Variants in TNPO2 observed in about 807,000 individuals in gnomAD.
TNPO2 encodes the protein transportin 2.
In TNPO2, 16 loss-of-function variants were observed where a neutral mutation model predicts 111.1. That is an observed-to-expected ratio of 0.14 (90% CI 0.10 to 0.22). The LOEUF is 0.22. TNPO2 is among the 10% of genes least tolerant of loss of function. The probability of loss-of-function intolerance (pLI) is 1.00; values close to 1 mark genes in which losing one functional copy is unlikely to be tolerated. For missense variants in TNPO2, 530 were observed against 1,173.7 expected, an observed-to-expected ratio of 0.45 and a Z score of 8.01; for synonymous variants, 481 against 475.8, an observed-to-expected ratio of 1.01 and a Z score of -0.14.
chr19:12,700,283 A>AG lies in TNPO2; in HGVS notation c.*980dup, dbSNP rs2025212233. 8.1e-6 allele frequency: 1 copy of AG among 123,338 alleles called. No individual in the cohort carries two copies. The highest frequency in any genetic ancestry group is 1.7e-5 in the Non-Finnish European group (1 of 57,832). The allele number at this position is 123,338 out of a possible 1,614,324, so 7.6% of individuals were successfully genotyped here. A position where few individuals can be genotyped will look rare whatever the true frequency, so the allele number is the denominator to read the frequency against. ...TAAAACTGGGGCCTGAAACGTGAGAAGGGGGTTTCAGAAGCACAGAGAAAC... is the reference window on the plus strand; with the variant it reads ...TAAAACTGGGGCCTGAAACGTGAGAAGGGGGGTTTCAGAAGCACAGAGAAAC... On this transcript the variant is annotated 3_prime_UTR_variant, in exon 26 of 26. Transcript: ENST00000425528.
In TNPO2 at chr19:12,721,370, C is replaced by G. The variant is rs1966932234; in HGVS notation, c.-13-380G>C. 1.1e-5 allele frequency: 13 copies of G among 1,172,704 alleles called. No individual in the cohort carries two copies. In the South Asian group the frequency reaches 1.2e-4, roughly 11 times the overall value. The allele number at this position is 1,172,704 out of a possible 1,614,324, so 72.6% of individuals were successfully genotyped here. A position where few individuals can be genotyped will look rare whatever the true frequency, so the allele number is the denominator to read the frequency against. On this transcript the variant is annotated intron_variant, in intron 2 of 25. Transcript: ENST00000425528. This position sits in a 1 kb window ranked among gnomAD's most constrained non-coding sequence, Gnocchi z 4.9. ...GGCGAGGGCCCAGCCGCCTCCACAT[C>G]CAGGGGCCCCGCCCCAGACCGTGAT...
In TNPO2 at chr19:12,706,539, G is replaced by T; in HGVS notation, c.1496+31C>A. On this transcript the variant is annotated intron_variant, in intron 14 of 25. Transcript: ENST00000425528. The surrounding 1 kb of genome is among the most constrained non-coding windows in gnomAD (Gnocchi z 7.0). ...TCCCAGAGGGTGGCCGGGGGAGAGT[G>T]GGGGCTGTGGGATCAGGGGTCCAGG... is the stretch of plus-strand genomic sequence containing the variant. 2 of 1,608,698 alleles carry T rather than the reference G, an allele frequency of 1.2e-6. No homozygotes were observed.
chr19:12,718,623 G>A (rs1290605651), intron 5 of TNPO2, among the ~76,000 whole-genome samples: 1 of 152,116 alleles, frequency 6.6e-6, no homozygotes, highest in African/African-American at 2.4e-5. Context: ...AACTTCCTCA[G>A]GCCACCTTCC....
chr19:12,708,435 T>TG (rs1468632503), intron 13 of TNPO2, among the ~76,000 whole-genome samples: 1 of 151,666 alleles, frequency 6.6e-6, no homozygotes, highest in Admixed American at 6.6e-5. Context: ...CCCAGGGTTT[T>TG]TTTTTTTTTT....
At position 12,719,470 on chromosome 19, in the gene TNPO2, C is replaced by T; in HGVS notation, c.100-134G>A. On this transcript the variant is annotated intron_variant, in intron 3 of 25. Coordinates refer to ENST00000425528, the MANE Select transcript of TNPO2 (RefSeq NM_001382241.1). The surrounding 1 kb of genome is among the most constrained non-coding windows in gnomAD (Gnocchi z 5.0). Reference sequence around the variant, plus strand: ...GGGGGATCCCGCTCCCTAATAAGCCCACAATGACACAGAGCACCTCAGACA... The same window carrying T: ...GGGGGATCCCGCTCCCTAATAAGCCTACAATGACACAGAGCACCTCAGACA... 1 of 735,876 alleles carries T rather than the reference C, an allele frequency of 1.4e-6. No individual in the cohort carries two copies. Among genetic ancestry groups the T allele is most frequent in the Non-Finnish European group, 2.4e-6 (1 of 420,194 alleles). 45.6% of individuals were successfully genotyped at this position (735,876 alleles called of 1,614,324 possible).
At position 12,701,373 on chromosome 19, in the gene TNPO2, C is replaced by G. The variant is rs1395756323; in HGVS notation, c.2667G>C (p.Glu889Asp). The G allele has an allele frequency of 6.2e-7, 1 of 1,614,024 alleles. No homozygotes were observed. The highest frequency in any genetic ancestry group is 1.1e-5 in the South Asian group (1 of 91,082). Residue 889 changes from glutamate (E) to aspartate (D), a missense_variant, in exon 25 of 26, where the codon GAG (glutamate) becomes GAC (aspartate). Glu to Asp is a conservative substitution (Grantham distance 45). Around this residue, in one of 4 missense-constraint regions of TNPO2, gnomAD observed 103 missense variants for 156.7 expected, o/e 0.66. Coordinates refer to ENST00000425528, the MANE Select transcript of TNPO2 (RefSeq NM_001382241.1). The surrounding 1 kb of genome is among the most constrained non-coding windows in gnomAD (Gnocchi z 5.0). ...AGACCCCATAGAAAGCCGCCAGCCT[C>G]TCCTTGAGCAGCGGCGGGAATTGCT... is the stretch of plus-strand genomic sequence containing the variant. ...FSEQFPPLLKERLAAFYGV is the reference protein window; with the variant it reads ...FSEQFPPLLKDRLAAFYGV
In TNPO2 at chr19:12,706,849, A is replaced by G; in HGVS notation, c.1271-54T>C. The G allele has an allele frequency of 6.9e-7, 1 of 1,440,660 alleles. No homozygotes were observed. Among genetic ancestry groups the G allele is most frequent in the South Asian group, 1.2e-5 (1 of 81,738 alleles). The allele number at this position is 1,440,660 out of a possible 1,614,324, so 89.2% of individuals were successfully genotyped here. On this transcript the variant is annotated intron_variant, in intron 13 of 25. Transcript: ENST00000425528. This position sits in a 1 kb window ranked among gnomAD's most constrained non-coding sequence, Gnocchi z 7.0. ...AGTTTGATTGGGCCCAGCCACACCC[A>G]CCGTATGGAGAGAAGAGTCAGCCGC... is the stretch of plus-strand genomic sequence containing the variant.
intron 13 of TNPO2, 60 bp downstream of exon 13, chr19:12,710,561 A>G: frequency 6.3e-7 from 1 of 1,578,836 alleles, no homozygotes; most frequent in Non-Finnish European, 8.6e-7. Context: ...TGTGGCTAGT[A>G]ATGTGGGCCA....
chr19:12,721,165 C>A lies in TNPO2; in HGVS notation c.-13-175G>T, dbSNP rs902085868. ...GGGTCCCCGCCAGCTGCGCCATCCT[C>A]GGCCGCGCAGTCGCGGGCTCGGGAG... On this transcript the variant is annotated intron_variant, in intron 2 of 25. Coordinates refer to ENST00000425528, the MANE Select transcript of TNPO2 (RefSeq NM_001382241.1). The surrounding 1 kb of genome is among the most constrained non-coding windows in gnomAD (Gnocchi z 4.9). 14 of 1,409,662 alleles carry A rather than the reference C, an allele frequency of 9.9e-6. No individual in the cohort carries two copies. Among genetic ancestry groups the A allele is most frequent in the Admixed American group, 3.1e-5 (1 of 32,626 alleles). The allele number at this position is 1,409,662 out of a possible 1,614,324, so 87.3% of individuals were successfully genotyped here.
In TNPO2 at chr19:12,715,338, G is replaced by T. The variant is rs780149583; in HGVS notation, c.567-14C>A. Reference sequence around the variant, plus strand: ...ATGGCGTGGGACCTGGCGGGGAGCAGACACGTGGGTCACCCTGACCCTGCC... The same window carrying T: ...ATGGCGTGGGACCTGGCGGGGAGCATACACGTGGGTCACCCTGACCCTGCC... On this transcript the variant is annotated splice_polypyrimidine_tract_variant and intron_variant, in intron 7 of 25. Coordinates refer to ENST00000425528, the MANE Select transcript of TNPO2 (RefSeq NM_001382241.1). The surrounding 1 kb of genome is among the most constrained non-coding windows in gnomAD (Gnocchi z 7.1). 6.2e-7 allele frequency: 1 copy of T among 1,613,862 alleles called. No homozygotes were observed.
rs949701029 is a variant in TNPO2 at position 12,699,504 on chromosome 19, C to T, written c.*1760G>A. ...AAAGGAAAACGAGAAGAACCAGGCT[C>T]CCCTTCCCTGAAGGTGTTTGTATCC... is the stretch of plus-strand genomic sequence containing the variant. On this transcript the variant is annotated 3_prime_UTR_variant, in exon 26 of 26. Coordinates refer to ENST00000425528, the MANE Select transcript of TNPO2 (RefSeq NM_001382241.1). 5.8e-5 allele frequency: 9 copies of T among 155,530 alleles called. No homozygotes were observed. Among genetic ancestry groups the T allele is most frequent in the African/African-American group, 2.2e-4 (9 of 41,058 alleles). 9.6% of individuals were successfully genotyped at this position (155,530 alleles called of 1,614,324 possible). A position where few individuals can be genotyped will look rare whatever the true frequency, so the allele number is the denominator to read the frequency against.
Position 12,701,664 on chromosome 19 carries a change from A to T in TNPO2, c.2520T>A (p.Ile840=). Residue 840 remains isoleucine, a synonymous_variant, in exon 24 of 26, where the codon ATT becomes ATA. Coordinates refer to ENST00000425528, the MANE Select transcript of TNPO2 (RefSeq NM_001382241.1). This position sits in a 1 kb window ranked among gnomAD's most constrained non-coding sequence, Gnocchi z 5.0. ...VNPGGVVQDF[I]FFCDAVASWV... ...AGGAGGCTACAGCATCGCAGAAGAA[A>T]ATAAAGTCCTGAAACGTGACGGATC... 1 of 1,613,826 alleles carries T rather than the reference A, an allele frequency of 6.2e-7. No homozygotes were observed. The highest frequency in any genetic ancestry group is 8.5e-7 in the Non-Finnish European group (1 of 1,179,880).
intron 10 of TNPO2, among the ~76,000 whole-genome samples, chr19:12,713,512 T>C (rs541723875): frequency 7.2e-4 from 105 of 145,720 alleles, no homozygotes; most frequent in African/African-American, 2.7e-3. Flanking sequence ...AATAAATAAA[T>C]AAATAAACAT....
Position 12,701,051 on chromosome 19 carries a change from A to T in TNPO2, c.*213T>A. On this transcript the variant is annotated 3_prime_UTR_variant, in exon 26 of 26. Coordinates refer to ENST00000425528, the MANE Select transcript of TNPO2 (RefSeq NM_001382241.1). The surrounding 1 kb of genome is among the most constrained non-coding windows in gnomAD (Gnocchi z 5.0). ...AAGTCCCCCCCACCTCCCCGTTTGT[A>T]GGATGAGCATGGTGGCCCCACCCAC... 3 of 318,476 alleles carry T rather than the reference A, an allele frequency of 9.4e-6. No individual in the cohort carries two copies. The highest frequency in any genetic ancestry group is 1.8e-5 in the Non-Finnish European group (3 of 171,244). 19.7% of individuals were successfully genotyped at this position (318,476 alleles called of 1,614,324 possible). A position where few individuals can be genotyped will look rare whatever the true frequency, so the allele number is the denominator to read the frequency against.
intron 5 of TNPO2, among the ~76,000 whole-genome samples, chr19:12,716,429 C>T (rs1191869174): frequency 6.6e-6 from 1 of 151,994 alleles, no homozygotes. Flanking sequence ...AGTTCGAAAC[C>T]AGCCTGGCCA....
In TNPO2 at chr19:12,702,783, G is replaced by T; in HGVS notation, c.2305+40C>A. On this transcript the variant is annotated intron_variant, in intron 21 of 25. Coordinates refer to ENST00000425528, the MANE Select transcript of TNPO2 (RefSeq NM_001382241.1). This position sits in a 1 kb window ranked among gnomAD's most constrained non-coding sequence, Gnocchi z 5.5. ...CAGCCCAGAACCCCACCTCCAGAAG[G>T]CAGGCAGGGGTGCAGGCAGCAGCCG... is the stretch of plus-strand genomic sequence containing the variant. The T allele has an allele frequency of 6.3e-7, 1 of 1,575,152 alleles. No individual in the cohort carries two copies. The highest frequency in any genetic ancestry group is 8.7e-7 in the Non-Finnish European group (1 of 1,145,356).
rs146218064 is a variant in TNPO2, at chr19:12,713,445, A to G, written c.890+1376T>C. Among the ~76,000 whole-genome samples, 179 of 148,194 alleles carry G rather than the reference A, an allele frequency of 1.2e-3. 4 individuals are homozygous for G. In the East Asian group the frequency reaches 0.03, roughly 25 times the overall value. On this transcript the variant is annotated intron_variant, in intron 10 of 25. Coordinates refer to ENST00000425528, the MANE Select transcript of TNPO2 (RefSeq NM_001382241.1). ...GCCTGAGCCCATAAGTTTGAGACCAATTGGGACAATATAGTGAGACCTCAC... is the reference window on the plus strand; with the variant it reads ...GCCTGAGCCCATAAGTTTGAGACCAGTTGGGACAATATAGTGAGACCTCAC...
At position 12,700,794 on chromosome 19, in the gene TNPO2, T is replaced by G. The variant is rs1379878296; in HGVS notation, c.*470A>C. The G allele has an allele frequency of 6.5e-6, 1 of 154,250 alleles. No homozygotes were observed. The highest frequency in any genetic ancestry group is 1.4e-5 in the Non-Finnish European group (1 of 69,256). The allele number at this position is 154,250 out of a possible 1,614,324, so 9.6% of individuals were successfully genotyped here. On this transcript the variant is annotated 3_prime_UTR_variant, in exon 26 of 26. Coordinates refer to ENST00000425528, the MANE Select transcript of TNPO2 (RefSeq NM_001382241.1). The stretch of plus-strand genomic sequence containing the variant: ...TACTGTCTCCATGCAGTCGGGGAAA[T>G]GGTGGAGCGGCTGGCCCAGCCTCGC...
Position 12,706,111 on chromosome 19 carries a change from T to C in TNPO2, c.1668+85A>G, listed in dbSNP as rs975914131. ...CCTGTCGAGGTCACGGCCACGTCCC[T>C]GGCGTGCAACACGGGGTTGCCACCA... On this transcript the variant is annotated intron_variant, in intron 15 of 25. Transcript: ENST00000425528. The surrounding 1 kb of genome is among the most constrained non-coding windows in gnomAD (Gnocchi z 7.0). 1.9e-5 allele frequency: 29 copies of C among 1,491,484 alleles called. No individual in the cohort carries two copies. The highest frequency in any genetic ancestry group is 2.6e-5 in the Non-Finnish European group (29 of 1,104,258). The allele number at this position is 1,491,484 out of a possible 1,614,324, so 92.4% of individuals were successfully genotyped here. A position where few individuals can be genotyped will look rare whatever the true frequency, so the allele number is the denominator to read the frequency against.
Sources: gnomAD v4.1 joint callset for allele counts (sites outside exome capture counted in the v4.1 genomes callset) on GRCh38, gnomAD v4.1.1 for gene constraint, gnomAD v4.1.1 regional missense constraint, Gnocchi (gnomAD v3.1) non-coding constraint, MANE v1.5 for transcripts, NCBI Gene and HGNC (gene_info 2026-07-23, HGNC 2026-07-21) for gene names.